The following ADGRE2 variants were observed in gnomAD, a reference collection of about 807,000 sequenced individuals.
ADGRE2 encodes the protein adhesion G protein-coupled receptor E2.
Under a neutral mutation model 100.8 loss-of-function variants are expected in ADGRE2, and 83 were observed. The observed-to-expected ratio is 0.82, with a 90% CI of 0.69 to 0.99. The LOEUF is 0.99. Among genes scored for constraint, ADGRE2 ranks in the 50% least tolerant of loss-of-function variants. The pLI, the probability that ADGRE2 is intolerant of heterozygous loss-of-function variation, is 0.00. For missense variants in ADGRE2, 814 were observed against 1,035.7 expected, an observed-to-expected ratio of 0.79 and a Z score of 2.94; for synonymous variants, 355 against 413.0, an observed-to-expected ratio of 0.86 and a Z score of 1.70.
At chr19:14,740,209 T>A (rs780661113) in intron 20 of ADGRE2, among the ~76,000 whole-genome samples, 2 of 150,724 alleles carry the variant, frequency 1.3e-5, no homozygotes, top group Non-Finnish European at 2.9e-5. Flanking sequence ...TGTGTCATCA[T>A]GATGACTTGG....
rs371031119 is a variant in ADGRE2 at position 14,743,383 on chromosome 19, G to A, written c.2463+37C>T. ...TAGGCACATGCTCCTCAGGTGGGTC[G>A]GTTAGTGAAGTGCTCTGGAGCAATG... On this transcript the variant is annotated intron_variant, in intron 20 of 20. Coordinates refer to ENST00000315576, the MANE Select transcript of ADGRE2 (RefSeq NM_013447.4). The A allele has an allele frequency of 8.2e-5, 128 of 1,552,216 alleles. 2 individuals are homozygous for A. The South Asian group carries it at 1.2e-3, about 15-fold the overall frequency.
At chr19:14,740,222 T>TTGTG (rs141784493) in intron 20 of ADGRE2, among the ~76,000 whole-genome samples, 1 of 149,328 alleles carries the variant, frequency 6.7e-6, no homozygotes, top group South Asian at 2.1e-4. Flanking sequence ...TGACTTGGAT[T>TTGTG]TGTGTGTGTG....
At position 14,759,506 on chromosome 19, in the gene ADGRE2, T is replaced by A. The variant is rs868042985; in HGVS notation, c.1085-3161A>T. Among the ~76,000 whole-genome samples, 1,328 of 146,972 alleles carry A rather than the reference T, an allele frequency of 9.0e-3. 26 individuals carry two copies. Among genetic ancestry groups the A allele is most frequent in the African/African-American group, 0.027 (1,071 of 39,338 alleles). The stretch of plus-strand genomic sequence containing the variant: ...AGTTATACATATATATATATATATT[T>A]TTTTTTTTTAGACGGAGTCTCACTC... On this transcript the variant is annotated intron_variant, in intron 11 of 20. Transcript: ENST00000315576.
rs2214471 is a variant in ADGRE2 at position 14,733,844 on chromosome 19, A to G, written c.*2392T>C. On this transcript the variant is annotated 3_prime_UTR_variant, in exon 21 of 21. Transcript: ENST00000315576. ...TTACCAAGTGGGTTACTTCTGCACT[A>G]TTTATAGAGAAGGAGAAATGGCTAA... 34,028 of 152,050 alleles carry G rather than the reference A, an allele frequency of 0.22. 4,039 individuals are homozygous for G. Among genetic ancestry groups the G allele is most frequent in the Non-Finnish European group, 0.26 (17,678 of 67,986 alleles). 9.4% of individuals were successfully genotyped at this position (152,050 alleles called of 1,614,324 possible). A position where few individuals can be genotyped will look rare whatever the true frequency, so the allele number is the denominator to read the frequency against.
At chr19:14,738,584 C>T (rs1056294578) in intron 20 of ADGRE2, among the ~76,000 whole-genome samples, 1 of 152,034 alleles carries the variant, frequency 6.6e-6, no homozygotes, top group African/African-American at 2.4e-5. Context: ...TGCCATGTTA[C>T]CCAGGCTGGT....
chr19:14,751,822 T>A, intron 15 of ADGRE2, 151 bp from the exon 16 acceptor site: 1 of 618,630 alleles, frequency 1.6e-6, no homozygotes, highest in Non-Finnish European at 2.8e-6. Flanking sequence ...CAATGGGAAA[T>A]TGGTGGTGTT....
intron 5 of ADGRE2, among the ~76,000 whole-genome samples, chr19:14,769,701 T>C (rs941474341): frequency 6.6e-6 from 1 of 152,122 alleles, no homozygotes; most frequent in Non-Finnish European, 1.5e-5. Context: ...TCTCTCCTTT[T>C]CTTTTCTTTT....
At chr19:14,745,915 A>G (rs1394503827) in intron 18 of ADGRE2, among the ~76,000 whole-genome samples, 1 of 152,150 alleles carries the variant, frequency 6.6e-6, no homozygotes. Context: ...TGTTGCTGCA[A>G]ATGACATGGT....
At chr19:14,726,348 A>G in the ADGRE2 span, among the ~76,000 whole-genome samples, 1 of 152,152 alleles carries the variant, frequency 6.6e-6, no homozygotes, top group African/African-American at 2.4e-5. Flanking sequence ...AATGCCTTCA[A>G]AGCCTTTTTC....
At chr19:14,746,655 A>C (rs1388708913) in intron 17 of ADGRE2, among the ~76,000 whole-genome samples, 2 of 152,120 alleles carry the variant, frequency 1.3e-5, no homozygotes, top group African/African-American at 4.8e-5. Flanking sequence ...GAGCCACCAC[A>C]CCGGGCCTGA....
intron 2 of ADGRE2, among the ~76,000 whole-genome samples, chr19:14,775,128 G>C (rs1225166205): frequency 6.8e-6 from 1 of 147,840 alleles, no homozygotes; most frequent in Non-Finnish European, 1.5e-5. Context: ...TCAGCCTCTT[G>C]AGTGGCTGGG....
chr19:14,764,490 C>G lies in ADGRE2; in HGVS notation c.1027G>C (p.Gly343Arg), dbSNP rs759949194. Residue 343 changes from glycine to arginine, a missense_variant, in exon 11 of 21, where the codon GGC becomes CGC. Physicochemically the swap from Gly to Arg is moderately radical, Grantham distance 125 (BLOSUM62 -2). Around this residue, in one of 5 missense-constraint regions of ADGRE2, gnomAD observed 569 missense variants for 692.7 expected, o/e 0.82. Coordinates refer to ENST00000315576, the MANE Select transcript of ADGRE2 (RefSeq NM_013447.4). ...LLDGLEDVLR[G>R]LSKNLSNGLL... ...CCATTGGAAAGGTTCTTGCTCAGGC[C>G]TCTGAGGACATCCTCTAGGCCATCC... 6 of 1,613,128 alleles carry G rather than the reference C, an allele frequency of 3.7e-6. No homozygotes were observed. The South Asian group carries it at 6.6e-5, about 18-fold the overall frequency.
intron 14 of ADGRE2, among the ~76,000 whole-genome samples, chr19:14,752,811 GC>G (rs2043343260): frequency 2.0e-5 from 3 of 150,308 alleles, no homozygotes; most frequent in Admixed American, 2.0e-4. Flanking sequence ...TTGCTCTGTC[GC>G]CCAGGCTGGA....
In ADGRE2 at chr19:14,766,926, G is replaced by A; in HGVS notation, c.487+52C>T. The A allele has an allele frequency of 3.2e-6, 5 of 1,580,094 alleles. No homozygotes were observed. In the South Asian group the frequency reaches 3.4e-5, roughly 11 times the overall value. On this transcript the variant is annotated intron_variant, in intron 6 of 20. Transcript: ENST00000315576. ...CGGCTGCTTTGGAGGACCTGACTCA[G>A]CTCCATCCCCAGCTCCCGTCCAGCC...
In ADGRE2 at chr19:14,765,331, T is replaced by A. The variant is rs764489185; in HGVS notation, c.895A>T (p.Asn299Tyr). The A allele has an allele frequency of 6.2e-7, 1 of 1,613,774 alleles. No homozygotes were observed. ...GRDYKPGLAN[N>Y]TIQSILQALD... The stretch of plus-strand genomic sequence containing the variant: ...GGTCCTGTCCTTACCTGGATGGTGT[T>A]ATTGGCCAAGCCTGGCTTGTAGTCT... Residue 299 changes from asparagine (N) to tyrosine (Y), a missense_variant, in exon 10 of 21, where the codon AAC (asparagine) becomes TAC (tyrosine). Asn to Tyr is a moderately radical substitution (Grantham distance 143). Transcript: ENST00000315576.
At chr19:14,731,524 A>AC (rs1376398691), downstream of ADGRE2, 2 of 297,448 alleles carry the variant, frequency 6.7e-6, no homozygotes, top group Non-Finnish European at 1.2e-5. Context: ...CTCACAGTGG[A>AC]CCCCCACGGT....
At chr19:14,739,994 G>A (rs184785688) in intron 20 of ADGRE2, among the ~76,000 whole-genome samples, 5 of 152,018 alleles carry the variant, frequency 3.3e-5, no homozygotes, top group Admixed American at 2.0e-4. Flanking sequence ...CTAGCTACTC[G>A]GGAGGCTGAG....
At chr19:14,727,124 T>C in the ADGRE2 span, among the ~76,000 whole-genome samples, 3 of 145,458 alleles carry the variant, frequency 2.1e-5, no homozygotes, top group Non-Finnish European at 3.0e-5. Context: ...GCCTCCTGGG[T>C]TCACACCATT....
rs753965641 is a variant in ADGRE2, at chr19:14,764,485, C to T, written c.1032G>A (p.Leu344=). ...ACAGCCCATTGGAAAGGTTCTTGCT[C>T]AGGCCTCTGAGGACATCCTCTAGGC... The part of the protein sequence containing the change: ...LDGLEDVLRG[L]SKNLSNGLLN... The change falls in exon 11 of 21, where the codon CTG becomes CTA. Residue 344 remains leucine, a synonymous_variant. Transcript: ENST00000315576. 3.1e-6 allele frequency: 5 copies of T among 1,613,192 alleles called. No individual in the cohort carries two copies. Among genetic ancestry groups the T allele is most frequent in the Non-Finnish European group, 4.2e-6 (5 of 1,179,994 alleles).
Sources: allele counts gnomAD v4.1 joint callset (sites outside exome capture counted in the v4.1 genomes callset), GRCh38; gene constraint gnomAD v4.1.1; regional missense constraint gnomAD v4.1.1; transcripts MANE v1.5; gene names NCBI Gene and HGNC (gene_info 2026-07-23, HGNC 2026-07-21).